KCNQ2: variants seen among roughly 807,000 people sequenced by gnomAD.
KCNQ2 encodes potassium voltage-gated channel subfamily KQT member 2.
Under a neutral mutation model 84.8 loss-of-function variants are expected in KCNQ2, and 14 were observed. The observed-to-expected ratio is 0.17, with a 90% CI of 0.11 to 0.26. KCNQ2 has a LOEUF of 0.26. KCNQ2 is among the 10% of genes least tolerant of loss of function. The pLI is 1.00. For missense variants in KCNQ2, 788 were observed against 1,254.0 expected (o/e 0.63, Z 5.61); for synonymous variants, 599 against 554.1 (o/e 1.08, Z -1.14).
chr20:63,444,866 T>A, intron 3 of KCNQ2, 32 bp from the exon 4 acceptor site: 1 of 1,559,522 alleles, frequency 6.4e-7, no homozygotes, highest in Non-Finnish European at 8.7e-7. Flanking sequence ...GGTGAGCTGC[T>A]GGGCCGCTCC....
intron 9 of KCNQ2, among the ~76,000 whole-genome samples, chr20:63,430,546 C>G (rs1265237947): frequency 2.0e-5 from 3 of 152,214 alleles, no homozygotes; most frequent in Non-Finnish European, 4.4e-5. Context: ...TGGGGAGTGG[C>G]TGGCCCCAGG....
intron 1 of KCNQ2, among the ~76,000 whole-genome samples, chr20:63,467,160 G>A (rs2082103232): frequency 6.6e-6 from 1 of 151,714 alleles, no homozygotes; most frequent in African/African-American, 2.4e-5. Flanking sequence ...GACCTTCGGA[G>A]GGCCCAGGGC....
At position 63,406,408 on chromosome 20, in the gene KCNQ2, T is replaced by G. The variant is rs1003561122; in HGVS notation, c.*236A>C. 5.2e-6 allele frequency: 3 copies of G among 576,560 alleles called. No individual in the cohort carries two copies. Among genetic ancestry groups the G allele is most frequent in the African/African-American group, 3.8e-5 (2 of 53,292 alleles). The allele number at this position is 576,560 out of a possible 1,614,324, so 35.7% of individuals were successfully genotyped here. A position where few individuals can be genotyped will look rare whatever the true frequency, so the allele number is the denominator to read the frequency against. ...ACAGGGCAGCCTTGCTCCTGCACGC[T>G]GCTCCTGGAGCCACAGGGCCCTGCC... is the stretch of plus-strand genomic sequence containing the variant. On this transcript the variant is annotated 3_prime_UTR_variant, in exon 17 of 17. Transcript: ENST00000359125.
intron 1 of KCNQ2, among the ~76,000 whole-genome samples, chr20:63,469,671 G>A (rs909302473): frequency 6.6e-6 from 1 of 152,266 alleles, no homozygotes. Context: ...AGCCACAGCT[G>A]GGTGCGGCAG....
chr20:63,415,514 GAGGGAGGGAGGGGAGGCCACAGAC>G, intron 12 of KCNQ2, among the ~76,000 whole-genome samples: 1 of 140,402 alleles, frequency 7.1e-6, no homozygotes, highest in East Asian at 2.3e-4. Flanking sequence ...CACCCGGCGG[GAGGGAGGGAGGGGAGGCCACAGAC>G]ACTGAGCACC....
rs75020642 is a variant in KCNQ2 at position 63,428,478 on chromosome 20, C to G, written c.1149-43G>C. On this transcript the variant is annotated intron_variant, in intron 9 of 16. Transcript: ENST00000359125. ...GAGGGGAGTGAGCGTCTCACCCTCC[C>G]GAGTCCTGGGACACCTCCCTCTGCT... The G allele has an allele frequency of 4.2e-4, 641 of 1,511,134 alleles. 8 individuals carry two copies. The East Asian group carries it at 0.014, about 33-fold the overall frequency. The allele number at this position is 1,511,134 out of a possible 1,614,324, so 93.6% of individuals were successfully genotyped here. A position where few individuals can be genotyped will look rare whatever the true frequency, so the allele number is the denominator to read the frequency against.
chr20:63,434,956 A>T (rs1353404065), intron 7 of KCNQ2, among the ~76,000 whole-genome samples: 1 of 152,242 alleles, frequency 6.6e-6, no homozygotes, highest in East Asian at 1.9e-4. Context: ...ACCTAGAGGT[A>T]GAATGGCCGG....
At position 63,472,596 on chromosome 20, in the gene KCNQ2, G is replaced by T; in HGVS notation, c.-133C>A. On this transcript the variant is annotated 5_prime_UTR_variant, in exon 1 of 17. Coordinates refer to ENST00000359125, the MANE Select transcript of KCNQ2 (RefSeq NM_172107.4). Reference sequence around the variant, plus strand: ...GAGGCGGCGGTTCCGCACTCCTGCCGGGCTTGGGCCGCGCGCGGAGACGCT... The same window carrying T: ...GAGGCGGCGGTTCCGCACTCCTGCCTGGCTTGGGCCGCGCGCGGAGACGCT... 1 of 723,032 alleles carries T rather than the reference G, an allele frequency of 1.4e-6. No homozygotes were observed. Among genetic ancestry groups the T allele is most frequent in the Non-Finnish European group, 1.8e-6 (1 of 558,632 alleles). The allele number at this position is 723,032 out of a possible 1,614,324, so 44.8% of individuals were successfully genotyped here.
At position 63,406,544 on chromosome 20, in the gene KCNQ2, A is replaced by G; in HGVS notation, c.*100T>C. 2 of 1,358,012 alleles carry G rather than the reference A, an allele frequency of 1.5e-6. No individual in the cohort carries two copies. Among genetic ancestry groups the G allele is most frequent in the Non-Finnish European group, 2.0e-6 (2 of 1,025,118 alleles). The allele number at this position is 1,358,012 out of a possible 1,614,324, so 84.1% of individuals were successfully genotyped here. ...AGGGCCCACCCTTCCCGCCACACTC[A>G]GTTACTGTAAGAAAAGGGCCCCAGA... is the stretch of plus-strand genomic sequence containing the variant. On this transcript the variant is annotated 3_prime_UTR_variant, in exon 17 of 17. Transcript: ENST00000359125.
At chr20:63,416,640 G>A (rs1014486098) in intron 12 of KCNQ2, among the ~76,000 whole-genome samples, 3 of 152,136 alleles carry the variant, frequency 2.0e-5, no homozygotes, top group Admixed American at 2.0e-4. Flanking sequence ...CTTCAGAGAG[G>A]AAGCCCAGTG....
chr20:63,472,157 C>G lies in KCNQ2; in HGVS notation c.296+11G>C, dbSNP rs775722109. ...ATGGGGGTCGCCACGGGGGCCCCGC[C>G]GGCCACTCACACGTAGGCGTGGTAG... On this transcript the variant is annotated intron_variant, in intron 1 of 16. Transcript: ENST00000359125. 2 of 1,492,252 alleles carry G rather than the reference C, an allele frequency of 1.3e-6. No individual in the cohort carries two copies. Among genetic ancestry groups the G allele is most frequent in the Non-Finnish European group, 1.8e-6 (2 of 1,119,468 alleles). The allele number at this position is 1,492,252 out of a possible 1,614,324, so 92.4% of individuals were successfully genotyped here.
chr20:63,468,089 T>C (rs1463858123), intron 1 of KCNQ2, among the ~76,000 whole-genome samples: 1 of 152,190 alleles, frequency 6.6e-6, no homozygotes, highest in Non-Finnish European at 1.5e-5. Context: ...AATTTCACTT[T>C]AAATTATTTG....
At chr20:63,419,532 C>T (rs2080401860) in intron 12 of KCNQ2, 87 bp downstream of exon 12, 3 of 1,384,848 alleles carry the variant, frequency 2.2e-6, no homozygotes, top group East Asian at 4.9e-5. Context: ...CCAGCCTCCC[C>T]CTGGCTCCTC....
At chr20:63,472,097 CGGGGTCGCCGAT>C (rs901623820) in intron 1 of KCNQ2, 59 bp downstream of exon 1, 98 of 1,179,032 alleles carry the variant, frequency 8.3e-5, no homozygotes, top group Non-Finnish European at 1.0e-4. Context: ...CCAGCCTGGC[CGGGGTCGCCGAT>C]GGGGTCGCCG....
chr20:63,445,612 C>T (rs2081389024), intron 2 of KCNQ2: 2 of 585,820 alleles, frequency 3.4e-6, no homozygotes, highest in Non-Finnish European at 6.1e-6. Context: ...CCCCACCTCC[C>T]TGTCTGAGCT....
At chr20:63,447,925 A>G (rs2081482617) in intron 1 of KCNQ2, 1 of 151,844 alleles carries the variant, frequency 6.6e-6, no homozygotes, top group African/African-American at 2.4e-5. Flanking sequence ...TCAGCCCTGC[A>G]TTCTCCTCTG....
In KCNQ2 at chr20:63,425,239, C is replaced by G. The variant is rs1259520053; in HGVS notation, c.1218-1033G>C. 6.6e-6 allele frequency among the ~76,000 whole-genome samples: 1 copy of G among 152,186 alleles called. No individual in the cohort carries two copies. The highest frequency in any genetic ancestry group is 1.5e-5 in the Non-Finnish European group (1 of 68,038). ...CAAGCTCAGTTACAGCTGCAAGGAC[C>G]CTTTCTCCAAATCAGGTCACATTTG... On this transcript the variant is annotated intron_variant, in intron 10 of 16. Coordinates refer to ENST00000359125, the MANE Select transcript of KCNQ2 (RefSeq NM_172107.4). The surrounding 1 kb of genome is among the most constrained non-coding windows in gnomAD (Gnocchi z 5.5).
chr20:63,441,786 G>A (rs1010133850), intron 5 of KCNQ2, among the ~76,000 whole-genome samples: 13 of 152,206 alleles, frequency 8.5e-5, no homozygotes, highest in South Asian at 6.2e-4. Context: ...AAATAACTTC[G>A]GATCAGCTGC....
intron 8 of KCNQ2, among the ~76,000 whole-genome samples, chr20:63,433,113 G>A (rs1294472427): frequency 6.6e-6 from 1 of 152,170 alleles, no homozygotes; most frequent in Non-Finnish European, 1.5e-5. Context: ...CAAGAGCCAG[G>A]CAACGAAAAT....
Sources: allele counts gnomAD v4.1 joint callset (sites outside exome capture counted in the v4.1 genomes callset), GRCh38; gene constraint gnomAD v4.1.1; non-coding constraint Gnocchi (gnomAD v3.1); transcripts MANE v1.5; gene names NCBI Gene and HGNC (gene_info 2026-07-23, HGNC 2026-07-21).